Variants in PLPPR3 observed in about 807,000 individuals in gnomAD.
PLPPR3 encodes the protein phospholipid phosphatase related 3.
In PLPPR3, 14 loss-of-function variants were observed where a neutral mutation model predicts 27.3. That is an observed-to-expected ratio of 0.51 (90% CI 0.34 to 0.80). The LOEUF (loss-of-function observed/expected upper bound fraction) is 0.80, where lower values mean the gene tolerates loss of function less well. PLPPR3 is among the 30% of genes least tolerant of loss of function. PLPPR3 has a pLI of 0.01. For synonymous variants in PLPPR3, 671 were observed against 508.0 expected, an observed-to-expected ratio of 1.32 and a Z score of -4.32; for missense variants, 1,287 against 1,056.9, an observed-to-expected ratio of 1.22 and a Z score of -3.02.
rs377665274 is a variant in PLPPR3, at chr19:814,706, C to T, written c.643G>A (p.Ala215Thr). The change falls in exon 6 of 8, where the codon GCG becomes ACG. Residue 215 changes from alanine (A) to threonine (T), a missense_variant. Coordinates refer to ENST00000520876, the MANE Select transcript of PLPPR3 (RefSeq NM_001270366.2). ...SQHATLSAFAAVYVSMYFNSV... is the reference protein window; with the variant it reads ...SQHATLSAFATVYVSMYFNSV... ...GCCGGACTCACCGACACATAGACCG[C>T]GGCGAAGGCTGACAGCGTGGCGTGC... is the stretch of plus-strand genomic sequence containing the variant. 75 of 1,593,820 alleles carry T rather than the reference C, an allele frequency of 4.7e-5. No individual in the cohort carries two copies. In the African/African-American group the frequency reaches 5.2e-4, roughly 11 times the overall value.
rs1034411720 is a variant in PLPPR3 at position 812,746 on chromosome 19, G to A, written c.1981C>T (p.Leu661=). 47 of 1,072,018 alleles carry A rather than the reference G, an allele frequency of 4.4e-5. 1 individual carries two copies. In the Admixed American group the frequency reaches 1.6e-3, roughly 36 times the overall value. The allele number at this position is 1,072,018 out of a possible 1,614,324, so 66.4% of individuals were successfully genotyped here. The change falls in exon 8 of 8, where the codon CTG becomes TTG. Residue 661 remains leucine (L), a synonymous_variant. Transcript: ENST00000520876. ...PRFGAVATVN[L]ATGEGLPPLG... ...GGGGGCAGCCCCTCGCCCGTGGCCA[G>A]GTTGACGGTGGCCACGGCCCCGAAC...
intron 2 of PLPPR3, among the ~76,000 whole-genome samples, chr19:816,725 A>G (rs2035066810): frequency 7.4e-6 from 1 of 134,332 alleles, no homozygotes; most frequent in Non-Finnish European, 1.6e-5. Context: ...CCGTCCATTC[A>G]TTACCCAGCC....
chr19:813,383 G>A lies in PLPPR3; in HGVS notation c.1344C>T (p.Asp448=). The A allele has an allele frequency of 1.3e-6, 2 of 1,497,604 alleles. No homozygotes were observed. The highest frequency in any genetic ancestry group is 1.8e-6 in the Non-Finnish European group (2 of 1,131,322). 92.8% of individuals were successfully genotyped at this position (1,497,604 alleles called of 1,614,324 possible). The change falls in exon 8 of 8, where the codon GAC becomes GAT. Residue 448 remains aspartate (D), a synonymous_variant. Coordinates refer to ENST00000520876, the MANE Select transcript of PLPPR3 (RefSeq NM_001270366.2). This position sits in a 1 kb window ranked among gnomAD's most constrained non-coding sequence, Gnocchi z 4.1. ...CTTCCTCCTCCTCCTCTTCCTCTTC[G>A]TCCTCCTCCTCTTCCTCCTCCTCCG... is the stretch of plus-strand genomic sequence containing the variant. ...PMAEEEEEEE[D]EEEEEEEEEE... is the part of the protein sequence containing the mutation.
At chr19:814,019 G>A in intron 7 of PLPPR3, 124 bp from the exon 8 acceptor site, 1 of 932,190 alleles carries the variant, frequency 1.1e-6, no homozygotes, top group Non-Finnish European at 1.5e-6. Flanking sequence ...TGTCCAGTGG[G>A]ACCGGTTCCC....
chr19:817,295 T>C (rs973427566), intron 2 of PLPPR3, among the ~76,000 whole-genome samples: 1 of 151,796 alleles, frequency 6.6e-6, no homozygotes, highest in Non-Finnish European at 1.5e-5. Context: ...CAAGCCTTTT[T>C]TTTTCCCCCA....
rs771407737 is a variant in PLPPR3 at position 815,073 on chromosome 19, C to T, written c.412G>A (p.Val138Met). ...AGGGCTGTGGCACACAGGCCGAACA[C>T]GTGGACACCTGCAGGGCGGAAGGCT... Reference protein sequence around the residue: ...RRTVRFVGVHVFGLCATALVT... With the variant: ...RRTVRFVGVHMFGLCATALVT... The change falls in exon 5 of 8, where the codon GTG (valine) becomes ATG (methionine). Residue 138 changes from valine to methionine, a missense_variant. Physicochemically the swap from Val to Met is conservative, Grantham distance 21 (BLOSUM62 1). Transcript: ENST00000520876. 1.7e-5 allele frequency: 28 copies of T among 1,605,846 alleles called. No individual in the cohort carries two copies. Among genetic ancestry groups the T allele is most frequent in the East Asian group, 4.5e-5 (2 of 44,890 alleles).
rs767467392 is a variant in PLPPR3 at position 815,768 on chromosome 19, C to A, written c.159G>T (p.Gln53His). The change falls in exon 3 of 8, where the codon CAG becomes CAT. Residue 53 changes from glutamine to histidine, a missense_variant. Gln to His is a conservative substitution (Grantham distance 24). Transcript: ENST00000520876. ...GCATGGAGAGAGTGCGGTCATAGCA[C>A]TGGAAGCCCACCTTGGCCGGCTTGA... is the stretch of plus-strand genomic sequence containing the variant. The part of the protein sequence containing the change: ...DLFKPAKVGF[Q>H]CYDRTLSMPY... 6.2e-7 allele frequency: 1 copy of A among 1,612,868 alleles called. No individual in the cohort carries two copies. Among genetic ancestry groups the A allele is most frequent in the Non-Finnish European group, 8.5e-7 (1 of 1,179,896 alleles).
At chr19:818,786 G>T (rs2035102243) in intron 2 of PLPPR3, among the ~76,000 whole-genome samples, 1 of 151,942 alleles carries the variant, frequency 6.6e-6, no homozygotes, top group Non-Finnish European at 1.5e-5. Flanking sequence ...GCCCACCTAG[G>T]CCTTCCAAAG....
chr19:815,817 TAC>T lies in PLPPR3; in HGVS notation c.108_109del (p.Tyr37LeufsTer19). 1.2e-6 allele frequency: 2 copies of T among 1,612,658 alleles called. No homozygotes were observed. Among genetic ancestry groups the T allele is most frequent in the Non-Finnish European group, 1.7e-6 (2 of 1,179,852 alleles). Reference sequence around the variant, plus strand: ...GAAGAGGTCGGTCAGCTCCAGGAAGTACAAGGATACGATGGAAGAAGCCACTA... The same window carrying T: ...GAAGAGGTCGGTCAGCTCCAGGAAGTAAGGATACGATGGAAGAAGCCACTA... On this transcript the variant is annotated frameshift_variant, in exon 3 of 8. Coordinates refer to ENST00000520876, the MANE Select transcript of PLPPR3 (RefSeq NM_001270366.2). LOFTEE classifies it high-confidence loss of function.
At chr19:814,808 C>G in intron 5 of PLPPR3, 59 bp from the exon 6 acceptor site, 1 of 1,565,668 alleles carries the variant, frequency 6.4e-7, no homozygotes. Flanking sequence ...CCAGTGGCCT[C>G]TCTGTGTCTC....
intron 2 of PLPPR3, among the ~76,000 whole-genome samples, chr19:818,583 G>A (rs2035097593): frequency 6.6e-6 from 1 of 151,882 alleles, no homozygotes; most frequent in Admixed American, 6.6e-5. Context: ...GCCCAGGCTG[G>A]AGTGCAGTGG....
upstream of PLPPR3, among the ~76,000 whole-genome samples, chr19:823,279 T>C (rs1418605052): frequency 1.3e-5 from 2 of 151,042 alleles, no homozygotes; most frequent in Non-Finnish European, 2.9e-5. Flanking sequence ...CCATCTCTAC[T>C]AAAAATATAA....
At chr19:818,049 G>C (rs530243656) in intron 2 of PLPPR3, among the ~76,000 whole-genome samples, 2 of 152,134 alleles carry the variant, frequency 1.3e-5, no homozygotes, top group Non-Finnish European at 2.9e-5. Flanking sequence ...CATCAAGCCC[G>C]GGGAGGGTCT....
chr19:820,488 A>G lies in PLPPR3; in HGVS notation c.75+997T>C, dbSNP rs573409949. ...ACATGACAAACGTGAGCCACCGCACAGGGCAGGGGGCTCCATTTATTACAT... is the reference window on the plus strand; with the variant it reads ...ACATGACAAACGTGAGCCACCGCACGGGGCAGGGGGCTCCATTTATTACAT... On this transcript the variant is annotated intron_variant, in intron 2 of 7. Coordinates refer to ENST00000520876, the MANE Select transcript of PLPPR3 (RefSeq NM_001270366.2). Among the ~76,000 whole-genome samples, 104 of 148,844 alleles carry G rather than the reference A, an allele frequency of 7.0e-4. 3 individuals are homozygous for G. In the South Asian group the frequency reaches 0.022, roughly 31 times the overall value.
At chr19:820,101 G>C (rs2035123158) in intron 2 of PLPPR3, among the ~76,000 whole-genome samples, 2 of 152,074 alleles carry the variant, frequency 1.3e-5, no homozygotes, top group Non-Finnish European at 2.9e-5. Flanking sequence ...ATCTACCTGG[G>C]CCTCCCAATG....
chr19:815,392 C>T lies in PLPPR3; in HGVS notation c.262-65G>A, dbSNP rs904956141. 3 of 1,475,358 alleles carry T rather than the reference C, an allele frequency of 2.0e-6. No individual in the cohort carries two copies. In the African/African-American group the frequency reaches 4.2e-5, roughly 21 times the overall value. 91.4% of individuals were successfully genotyped at this position (1,475,358 alleles called of 1,614,324 possible). A position where few individuals can be genotyped will look rare whatever the true frequency, so the allele number is the denominator to read the frequency against. On this transcript the variant is annotated intron_variant, in intron 3 of 7. Transcript: ENST00000520876. ...AGGGAGGGGGCGCTCAGGCGGGCTC[C>T]CATCTGCAGTGCCCACAGGCTGGCA...
chr19:819,581 T>C (rs1406452960), intron 2 of PLPPR3, among the ~76,000 whole-genome samples: 1 of 152,168 alleles, frequency 6.6e-6, no homozygotes, highest in South Asian at 2.1e-4. Flanking sequence ...TGAGCCACCA[T>C]GCCCGTCCTG....
At position 812,792 on chromosome 19, in the gene PLPPR3, G is replaced by A. The variant is rs1245547959; in HGVS notation, c.1935C>T (p.Asp645=). 2 of 1,090,692 alleles carry A rather than the reference G, an allele frequency of 1.8e-6. No homozygotes were observed. The highest frequency in any genetic ancestry group is 5.7e-5 in the East Asian group (1 of 17,586). 67.6% of individuals were successfully genotyped at this position (1,090,692 alleles called of 1,614,324 possible). A position where few individuals can be genotyped will look rare whatever the true frequency, so the allele number is the denominator to read the frequency against. ...PGVSPGSSVS[D]VDQEEPRFGA... ...CGAACCGCGGCTCCTCCTGGTCCAC[G>A]TCGCTGACCGACGAGCCGGGGGACA... The change falls in exon 8 of 8, where the codon GAC becomes GAT. Residue 645 remains aspartate, a synonymous_variant. Transcript: ENST00000520876.
At chr19:821,388 G>C in intron 2 of PLPPR3, 97 bp downstream of exon 2, 1 of 1,104,660 alleles carries the variant, frequency 9.1e-7, no homozygotes, top group Non-Finnish European at 1.2e-6. Context: ...GCCACTGCCG[G>C]GGCAGCTGCG....
Sources: gnomAD v4.1 joint callset for allele counts (sites outside exome capture counted in the v4.1 genomes callset) on GRCh38, gnomAD v4.1.1 for gene constraint, Gnocchi (gnomAD v3.1) non-coding constraint, MANE v1.5 for transcripts, NCBI Gene and HGNC (gene_info 2026-07-23, HGNC 2026-07-21) for gene names.